PAPSS2: variants seen among roughly 807,000 people sequenced by gnomAD.
PAPSS2 encodes 3'-phosphoadenosine 5'-phosphosulfate synthase 2, also known as bifunctional 3'-phosphoadenosine 5'-phosphosulfate synthase 2.
In PAPSS2, 61 loss-of-function variants were observed where a neutral mutation model predicts 66.5. The ratio of observed to expected loss-of-function variants is 0.92; its 90% CI spans 0.75 to 1.14. The LOEUF is 1.14. Ranked by LOEUF, PAPSS2 falls within the 50% of genes most tolerant of loss-of-function variation. The pLI is 0.00. For synonymous variants in PAPSS2, 289 were observed against 287.5 expected (o/e 1.01, Z -0.05); for missense variants, 708 against 789.6 (o/e 0.90, Z 1.24).
chr10:87,715,778 C>G lies in PAPSS2; in HGVS notation c.800C>G (p.Pro267Arg), dbSNP rs761311897. 4 of 1,613,838 alleles carry G rather than the reference C, an allele frequency of 2.5e-6. No individual in the cohort carries two copies. Among genetic ancestry groups the G allele is most frequent in the South Asian group, 1.1e-5 (1 of 91,072 alleles). Residue 267 changes from proline to arginine, a missense_variant, in exon 7 of 13, where the codon CCC (proline) becomes CGC (arginine). Coordinates refer to ENST00000456849, the MANE Select transcript of PAPSS2 (RefSeq NM_001015880.2). ...VQVLSEGWATPLKGFMREKEY... is the reference protein window; with the variant it reads ...VQVLSEGWATRLKGFMREKEY... Reference sequence around the variant, plus strand: ...GTTTTGAGCGAAGGCTGGGCCACTCCCCTCAAAGGTTTCATGCGGGAGAAG... The same window carrying G: ...GTTTTGAGCGAAGGCTGGGCCACTCGCCTCAAAGGTTTCATGCGGGAGAAG...
chr10:87,722,390 A>T (rs1244810186), intron 8 of PAPSS2, among the ~76,000 whole-genome samples: 3 of 152,210 alleles, frequency 2.0e-5, no homozygotes, highest in Non-Finnish European at 2.9e-5. Flanking sequence ...TGCTTTCATC[A>T]TTGTTGTTTT....
chr10:87,720,020 A>C (rs1260403465), intron 7 of PAPSS2, among the ~76,000 whole-genome samples: 1 of 151,934 alleles, frequency 6.6e-6, no homozygotes, highest in Non-Finnish European at 1.5e-5. Context: ...CAAGTAGCTG[A>C]GACTACAGGC....
chr10:87,731,552 A>C lies in PAPSS2; in HGVS notation c.1086+4063A>C, dbSNP rs570061792. Among the ~76,000 whole-genome samples, 3 of 152,370 alleles carry C rather than the reference A, an allele frequency of 2.0e-5. No homozygotes were observed. The East Asian group carries it at 5.8e-4, about 29-fold the overall frequency. The stretch of plus-strand genomic sequence containing the variant: ...GGTGATTCCTCAGATGAATGTGGGC[A>C]AAGTAAACTGAAAACCTTCTGGAAG... On this transcript the variant is annotated intron_variant, in intron 9 of 12. Coordinates refer to ENST00000456849, the MANE Select transcript of PAPSS2 (RefSeq NM_001015880.2).
At chr10:87,713,046 T>G (rs371097109) in intron 2 of PAPSS2, 29 bp from the exon 3 acceptor site, 1 of 1,236,294 alleles carries the variant, frequency 8.1e-7, no homozygotes, top group Non-Finnish European at 1.2e-6. Context: ...TCCAGGCCGA[T>G]GTCAGTCTGT....
chr10:87,662,962 T>A (rs1338429173), intron 1 of PAPSS2, among the ~76,000 whole-genome samples: 4 of 149,152 alleles, frequency 2.7e-5, no homozygotes, highest in African/African-American at 9.9e-5. Context: ...CACTGCAACC[T>A]CCGCCTCCCG....
intron 1 of PAPSS2, among the ~76,000 whole-genome samples, chr10:87,684,006 A>G (rs1180725681): frequency 1.3e-5 from 2 of 152,210 alleles, no homozygotes; most frequent in African/African-American, 2.4e-5. Flanking sequence ...CAGATGAAAT[A>G]TCCTGCATTT....
At chr10:87,738,236 A>G (rs1853823384) in intron 9 of PAPSS2, among the ~76,000 whole-genome samples, 6 of 152,214 alleles carry the variant, frequency 3.9e-5, no homozygotes, top group Admixed American at 3.9e-4. Context: ...ATACACCCAT[A>G]AGTAGGATTG....
At chr10:87,713,407 GCATAAGAATGTCTCCTTT>G in intron 3 of PAPSS2, 97 bp downstream of exon 3, 1 of 708,932 alleles carries the variant, frequency 1.4e-6, no homozygotes, top group Non-Finnish European at 2.4e-6. Flanking sequence ...GAGAGGGAGG[GCATAAGAATGTCTCCTTT>G]CAATTTCCCG....
chr10:87,689,274 AGGTTG>A (rs1853133282), intron 1 of PAPSS2, among the ~76,000 whole-genome samples: 1 of 117,968 alleles, frequency 8.5e-6, no homozygotes, highest in Non-Finnish European at 1.9e-5. Context: ...TGGGAGGCAG[AGGTTG>A]TGGTGAGCCG....
rs936781601 is a variant in PAPSS2 at position 87,747,314 on chromosome 10, G to A, written c.*1344G>A. The A allele has an allele frequency of 6.6e-6, 1 of 152,088 alleles. No homozygotes were observed. Among genetic ancestry groups the A allele is most frequent in the Non-Finnish European group, 1.5e-5 (1 of 68,028 alleles). The allele number at this position is 152,088 out of a possible 1,614,324, so 9.4% of individuals were successfully genotyped here. ...TGCCAAGGAATAAAGTGAAGAAACAGCACCTTTTAATATATAGGTCTCTCT... is the reference window on the plus strand; with the variant it reads ...TGCCAAGGAATAAAGTGAAGAAACAACACCTTTTAATATATAGGTCTCTCT... On this transcript the variant is annotated 3_prime_UTR_variant, in exon 13 of 13. Coordinates refer to ENST00000456849, the MANE Select transcript of PAPSS2 (RefSeq NM_001015880.2).
chr10:87,707,104 G>C (rs1228812143), intron 1 of PAPSS2, among the ~76,000 whole-genome samples: 2 of 152,110 alleles, frequency 1.3e-5, no homozygotes, highest in Non-Finnish European at 2.9e-5. Context: ...TGGCCCCTCT[G>C]CCTGGCTCTG....
chr10:87,701,650 C>G (rs1349870738), intron 1 of PAPSS2, among the ~76,000 whole-genome samples: 1 of 151,962 alleles, frequency 6.6e-6, no homozygotes, highest in African/African-American at 2.4e-5. Context: ...GTTCCTATCT[C>G]CTGGACTCAA....
intron 1 of PAPSS2, among the ~76,000 whole-genome samples, chr10:87,699,138 C>T (rs1248749128): frequency 1.3e-5 from 2 of 152,162 alleles, no homozygotes; most frequent in Non-Finnish European, 2.9e-5. Context: ...ATTTATTCTC[C>T]GAATGATATT....
At chr10:87,698,889 T>C (rs1361833186) in intron 1 of PAPSS2, among the ~76,000 whole-genome samples, 1 of 152,154 alleles carries the variant, frequency 6.6e-6, no homozygotes, top group African/African-American at 2.4e-5. Flanking sequence ...AAAACCCCTA[T>C]GTTATGAAAT....
intron 1 of PAPSS2, among the ~76,000 whole-genome samples, chr10:87,706,696 C>CTGCA (rs1343815769): frequency 1.3e-5 from 2 of 152,012 alleles, no homozygotes; most frequent in Non-Finnish European, 2.9e-5. Flanking sequence ...GAGTTCAAGG[C>CTGCA]TGCAGTGAGG....
chr10:87,699,568 T>C (rs770205266), intron 1 of PAPSS2, among the ~76,000 whole-genome samples: 5 of 152,216 alleles, frequency 3.3e-5, no homozygotes, highest in Non-Finnish European at 7.3e-5. Context: ...AATCAAACCA[T>C]TGTCTGGGAG....
intron 9 of PAPSS2, among the ~76,000 whole-genome samples, chr10:87,731,237 A>G (rs994308648): frequency 6.6e-6 from 1 of 152,186 alleles, no homozygotes; most frequent in African/African-American, 2.4e-5. Flanking sequence ...TGCTCTATAA[A>G]TGGAAAAACA....
intron 1 of PAPSS2, among the ~76,000 whole-genome samples, chr10:87,669,188 G>A (rs553677619): frequency 3.3e-5 from 5 of 152,156 alleles, no homozygotes; most frequent in Non-Finnish European, 5.9e-5. Flanking sequence ...TGGTTTAATT[G>A]TTTTATTAAA....
intron 1 of PAPSS2, among the ~76,000 whole-genome samples, chr10:87,697,408 G>A (rs1251119277): frequency 6.6e-6 from 1 of 152,148 alleles, no homozygotes; most frequent in Non-Finnish European, 1.5e-5. Context: ...GCGGAAGGGT[G>A]AAGTTCCAAC....
Sources: gnomAD v4.1 joint callset for allele counts (sites outside exome capture counted in the v4.1 genomes callset) on GRCh38, gnomAD v4.1.1 for gene constraint, MANE v1.5 for transcripts, NCBI Gene and HGNC (gene_info 2026-07-23, HGNC 2026-07-21) for gene names.